The following MED9 variants were observed in gnomAD, a reference collection of about 807,000 sequenced individuals.
MED9 encodes mediator of RNA polymerase II transcription subunit 9.
In MED9, 8 loss-of-function variants were observed where a neutral mutation model predicts 13.2. That is an observed-to-expected ratio of 0.61 (90% CI 0.36 to 1.10). The LOEUF (loss-of-function observed/expected upper bound fraction) is 1.10, where lower values mean the gene tolerates loss of function less well. Ranked by LOEUF, MED9 falls within the 50% of genes least tolerant of loss-of-function variation. The pLI, the probability that MED9 is intolerant of heterozygous loss-of-function variation, is 0.02. For missense variants in MED9, 180 were observed against 193.4 expected (o/e 0.93, Z 0.41); for synonymous variants, 87 against 82.8 (o/e 1.05, Z -0.28).
chr17:17,477,294 A>G, intron 1 of MED9, 29 bp downstream of exon 1: 1 of 1,542,680 alleles, frequency 6.5e-7, no homozygotes, highest in Middle Eastern at 1.8e-4. Flanking sequence ...ACCAGGCCCC[A>G]TACTCCCTCC....
At chr17:17,486,554 A>T (rs1227909135) in intron 1 of MED9, 1 of 155,560 alleles carries the variant, frequency 6.4e-6, no homozygotes, top group Non-Finnish European at 1.4e-5. Context: ...ACCGGCGCTA[A>T]GCTCGATTTC....
chr17:17,491,133 TG>T, intron 1 of MED9, 145 bp from the exon 2 acceptor site: 1 of 739,134 alleles, frequency 1.4e-6, no homozygotes, highest in Non-Finnish European at 2.2e-6. Flanking sequence ...CCTCTGGGGG[TG>T]GACAGCCTAG....
chr17:17,491,716 G>A lies in MED9; in HGVS notation c.*221G>A, dbSNP rs2142479019. The stretch of plus-strand genomic sequence containing the variant: ...CTCGTGTAGATCCATATGTCTAGAT[G>A]CATAATAACTGGAGTGCCTGCTGGT... On this transcript the variant is annotated 3_prime_UTR_variant, in exon 2 of 2. Transcript: ENST00000268711. 5.5e-6 allele frequency: 3 copies of A among 547,570 alleles called. No homozygotes were observed. Among genetic ancestry groups the A allele is most frequent in the East Asian group, 6.3e-5 (2 of 31,858 alleles). 33.9% of individuals were successfully genotyped at this position (547,570 alleles called of 1,614,324 possible).
At position 17,491,508 on chromosome 17, in the gene MED9, T is replaced by G; in HGVS notation, c.*13T>G. The G allele has an allele frequency of 2.5e-6, 4 of 1,597,380 alleles. No individual in the cohort carries two copies. In the South Asian group the frequency reaches 4.4e-5, roughly 18 times the overall value. ...CCCCAAGGAGTAGAGTGAGGCTGACTTCCTTAGAAAGAGGGGGAAGCCAAT... is the reference window on the plus strand; with the variant it reads ...CCCCAAGGAGTAGAGTGAGGCTGACGTCCTTAGAAAGAGGGGGAAGCCAAT... On this transcript the variant is annotated 3_prime_UTR_variant, in exon 2 of 2. Transcript: ENST00000268711.
At chr17:17,489,235 G>C (rs979338889) in intron 1 of MED9, among the ~76,000 whole-genome samples, 8 of 152,328 alleles carry the variant, frequency 5.3e-5, no homozygotes, top group Admixed American at 5.2e-4. Context: ...TTGTCTTACA[G>C]CTCCTTTTTT....
intron 1 of MED9, among the ~76,000 whole-genome samples, chr17:17,484,829 C>G (rs530889102): frequency 9.8e-5 from 15 of 152,316 alleles, no homozygotes; most frequent in African/African-American, 3.6e-4. Context: ...CGAGTCAGCA[C>G]TTCCTTAGTG....
rs985316574 is a variant in MED9 at position 17,479,672 on chromosome 17, A to G, written c.224+2407A>G. 6.6e-5 allele frequency among the ~76,000 whole-genome samples: 10 copies of G among 152,066 alleles called. No homozygotes were observed. In the East Asian group the frequency reaches 1.2e-3, roughly 18 times the overall value. On this transcript the variant is annotated intron_variant, in intron 1 of 1. Transcript: ENST00000268711. Reference sequence around the variant, plus strand: ...AAACCCCGTCCCTACAAAAAATACAAAAAAAATTAGCCAGGCATGGTGGTG... The same window carrying G: ...AAACCCCGTCCCTACAAAAAATACAGAAAAAATTAGCCAGGCATGGTGGTG...
At chr17:17,490,587 C>T (rs1905211398) in intron 1 of MED9, among the ~76,000 whole-genome samples, 1 of 152,196 alleles carries the variant, frequency 6.6e-6, no homozygotes, top group South Asian at 2.1e-4. Flanking sequence ...TGAAAGTGAA[C>T]TTGACTCAAA....
intron 1 of MED9, chr17:17,487,073 C>T (rs1020689719): frequency 6.6e-6 from 1 of 152,210 alleles, no homozygotes; most frequent in African/African-American, 2.4e-5. Context: ...TGTGAATGCA[C>T]CAATCGACAC....
chr17:17,491,537 C>G lies in MED9; in HGVS notation c.*42C>G, dbSNP rs1342718917. On this transcript the variant is annotated 3_prime_UTR_variant, in exon 2 of 2. Coordinates refer to ENST00000268711, the MANE Select transcript of MED9 (RefSeq NM_018019.3). ...TTAGAAAGAGGGGGAAGCCAATGGC[C>G]TGTCTCCCCACTACCATCCCCAAAC... is the stretch of plus-strand genomic sequence containing the variant. 6.5e-7 allele frequency: 1 copy of G among 1,537,806 alleles called. No individual in the cohort carries two copies. The highest frequency in any genetic ancestry group is 1.4e-5 in the African/African-American group (1 of 73,406).
chr17:17,477,770 T>C (rs998385865), intron 1 of MED9: 1 of 153,376 alleles, frequency 6.5e-6, no homozygotes, highest in African/African-American at 2.4e-5. Flanking sequence ...TCAAAAAGAT[T>C]GAGACGGGAG....
intron 1 of MED9, among the ~76,000 whole-genome samples, chr17:17,480,655 G>GAAGA (rs927121757): frequency 3.3e-5 from 5 of 151,886 alleles, no homozygotes; most frequent in African/African-American, 1.2e-4. Flanking sequence ...CTGTCTCAAA[G>GAAGA]AAGAAAGAAA....
At chr17:17,489,719 G>A (rs1471531980) in intron 1 of MED9, among the ~76,000 whole-genome samples, 1 of 152,192 alleles carries the variant, frequency 6.6e-6, no homozygotes, top group Non-Finnish European at 1.5e-5. Flanking sequence ...TAGAATCTGC[G>A]ATAAGGTATA....
At chr17:17,477,470 G>A (rs1597848466) in intron 1 of MED9, 1 of 574,772 alleles carries the variant, frequency 1.7e-6, no homozygotes, top group East Asian at 3.1e-5. Flanking sequence ...CGAGAGGTGC[G>A]ATATCCTTAA....
At chr17:17,481,835 A>AC (rs1163069751) in intron 1 of MED9, among the ~76,000 whole-genome samples, 2 of 152,200 alleles carry the variant, frequency 1.3e-5, no homozygotes, top group South Asian at 2.1e-4. Flanking sequence ...TAGGGTACAA[A>AC]CATTTTTTAT....
At chr17:17,482,516 T>A (rs950518837) in intron 1 of MED9, among the ~76,000 whole-genome samples, 3 of 152,236 alleles carry the variant, frequency 2.0e-5, no homozygotes, top group Non-Finnish European at 1.5e-5. Context: ...GGAAATAATG[T>A]GTGTCAAATG....
chr17:17,487,358 A>C (rs531684781), intron 1 of MED9: 2 of 153,864 alleles, frequency 1.3e-5, no homozygotes, highest in African/African-American at 4.8e-5. Context: ...CACTCTTTGC[A>C]ATAAATCTTG....
chr17:17,486,560 A>T (rs1454552928), intron 1 of MED9: 1 of 155,448 alleles, frequency 6.4e-6, no homozygotes, highest in Non-Finnish European at 1.4e-5. Flanking sequence ...GCTAAGCTCG[A>T]TTTCTCGCCA....
intron 1 of MED9, among the ~76,000 whole-genome samples, chr17:17,477,855 C>T (rs916524873): frequency 6.6e-6 from 1 of 152,232 alleles, no homozygotes; most frequent in Non-Finnish European, 1.5e-5. Flanking sequence ...CTTGTACTGA[C>T]TTTGTTCTAA....
Sources: allele counts gnomAD v4.1 joint callset (sites outside exome capture counted in the v4.1 genomes callset), GRCh38; gene constraint gnomAD v4.1.1; transcripts MANE v1.5; gene names NCBI Gene and HGNC (gene_info 2026-07-23, HGNC 2026-07-21).